Variants in SLC2A4RG observed in about 807,000 individuals in gnomAD.
SLC2A4RG encodes GLUT4 enhancer factor.
SLC2A4RG carries 23 observed loss-of-function variants against 35.5 expected under a neutral mutation model. The observed-to-expected ratio is 0.65, with a 90% confidence interval of 0.47 to 0.92. SLC2A4RG has a LOEUF of 0.92. Ranked by LOEUF, SLC2A4RG falls within the 40% of genes least tolerant of loss-of-function variation. The probability of loss-of-function intolerance (pLI) is 0.00; values close to 1 mark genes in which losing one functional copy is unlikely to be tolerated. For synonymous variants in SLC2A4RG, 306 were observed against 243.7 expected (o/e 1.26, Z -2.38); for missense variants, 539 against 525.0 (o/e 1.03, Z -0.26).
rs145495342 is a variant in SLC2A4RG, at chr20:63,742,197, C to A, written c.647C>A (p.Ala216Glu). The A allele has an allele frequency of 1.5e-4, 241 of 1,599,996 alleles. No individual in the cohort carries two copies. Among genetic ancestry groups the A allele is most frequent in the Middle Eastern group, 6.6e-4 (4 of 6,072 alleles). Residue 216 changes from alanine (A) to glutamate (E), a missense_variant, in exon 5 of 8, where the codon GCG (alanine) becomes GAG (glutamate). By Grantham distance (107) the Ala-to-Glu change is moderately radical (BLOSUM62 -1). Coordinates refer to ENST00000266077, the MANE Select transcript of SLC2A4RG (RefSeq NM_020062.4). ...SCGKVLSTAS[A>E]MQRHIRLVHL... is the part of the protein sequence containing the mutation. ...GGGAAGGTGCTGAGCACGGCGTCGG[C>A]GATGCAGAGACACATCCGCCTGGTG...
chr20:63,741,488 C>G lies in SLC2A4RG; in HGVS notation c.391+9C>G. 6.2e-7 allele frequency: 1 copy of G among 1,609,808 alleles called. No homozygotes were observed. Among genetic ancestry groups the G allele is most frequent in the Non-Finnish European group, 8.5e-7 (1 of 1,177,074 alleles). On this transcript the variant is annotated intron_variant, in intron 3 of 7. Coordinates refer to ENST00000266077, the MANE Select transcript of SLC2A4RG (RefSeq NM_020062.4). ...TGCAGCCTTCAGCCCAGGTAAGACT[C>G]AGATGTCTGCATTTAGGGGTGTGGG...
At chr20:63,740,284 G>A (rs2092035043) in intron 1 of SLC2A4RG, 93 bp from the exon 2 acceptor site, 1 of 906,060 alleles carries the variant, frequency 1.1e-6, no homozygotes, top group African/African-American at 1.7e-5. Flanking sequence ...GCCGGTTTTC[G>A]AGGCGGGCGC....
In SLC2A4RG at chr20:63,741,445, CCTT is replaced by C. The variant is rs2092040944; in HGVS notation, c.360_362del (p.Leu121del). 4 of 1,613,526 alleles carry C rather than the reference CCTT, an allele frequency of 2.5e-6. No homozygotes were observed. The highest frequency in any genetic ancestry group is 1.7e-5 in the Admixed American group (1 of 60,018). ...TTACAAGCCTGTCCACCAGCCCTCT[CCTT>C]CTGGGGGCCCCGGTTGCAGCCTTCA... On this transcript the variant is annotated inframe_deletion, in exon 3 of 8. Transcript: ENST00000266077.
chr20:63,741,898 C>G lies in SLC2A4RG; in HGVS notation c.421C>G (p.Leu141Val). The change falls in exon 4 of 8, where the codon CTG (leucine) becomes GTG (valine). Residue 141 changes from leucine to valine, a missense_variant. Coordinates refer to ENST00000266077, the MANE Select transcript of SLC2A4RG (RefSeq NM_020062.4). Reference protein sequence around the residue: ...EPGLEPWKEALVRPPGSYSSS... With the variant: ...EPGLEPWKEAVVRPPGSYSSS... ...TGGCCTGGAGCCCTGGAAGGAGGCC[C>G]TGGTGCGGCCCCCAGGCAGCTACAG... 6.2e-7 allele frequency: 1 copy of G among 1,608,756 alleles called. No individual in the cohort carries two copies. Among genetic ancestry groups the G allele is most frequent in the Middle Eastern group, 1.7e-4 (1 of 5,808 alleles).
At chr20:63,741,281 A>C in intron 2 of SLC2A4RG, 89 bp from the exon 3 acceptor site, 2 of 1,174,166 alleles carry the variant, frequency 1.7e-6, no homozygotes, top group Admixed American at 1.8e-5. Context: ...CCTGGTGTGC[A>C]CGCGTGCCCA....
rs2092035678 is a variant in SLC2A4RG at position 63,740,368 on chromosome 20, C to T, written c.127-9C>T. On this transcript the variant is annotated splice_polypyrimidine_tract_variant and intron_variant, in intron 1 of 7. Transcript: ENST00000266077. ...GCCTCCGCTGAGTCTGCCCCCTCCC[C>T]ATCCGCAGGGCTCTTCCGTGGGCGG... The T allele has an allele frequency of 8.2e-7, 1 of 1,226,706 alleles. No individual in the cohort carries two copies. Among genetic ancestry groups the T allele is most frequent in the Non-Finnish European group, 1.0e-6 (1 of 983,720 alleles). 76.0% of individuals were successfully genotyped at this position (1,226,706 alleles called of 1,614,324 possible).
chr20:63,741,111 A>C, intron 2 of SLC2A4RG: 1 of 519,308 alleles, frequency 1.9e-6, no homozygotes, highest in Non-Finnish European at 3.5e-6. Flanking sequence ...CAGCCCCAGT[A>C]TCTGAAGGAA....
rs755026057 is a variant in SLC2A4RG at position 63,742,794 on chromosome 20, C to T, written c.1052+4C>T. Reference sequence around the variant, plus strand: ...CCAGGATCGGAGTCACCCTGAGGTGCGTGTGGGCTGAGGGCCTGCGGCTGG... The same window carrying T: ...CCAGGATCGGAGTCACCCTGAGGTGTGTGTGGGCTGAGGGCCTGCGGCTGG... On this transcript the variant is annotated splice_donor_region_variant and intron_variant, in intron 7 of 7. Transcript: ENST00000266077. 39 of 1,578,660 alleles carry T rather than the reference C, an allele frequency of 2.5e-5. No individual in the cohort carries two copies. The Admixed American group carries it at 4.2e-4, about 17-fold the overall frequency.
rs538560946 is a variant in SLC2A4RG at position 63,742,008 on chromosome 20, C to T, written c.531C>T (p.Pro177=). ...SPSTPSPPLP[P]EAAHFLFGEP... is the part of the protein sequence containing the mutation. ...CCACCCCGTCACCCCCACTGCCCCC[C>T]GAGGCAGCCCACTTTCTGTTTGGGG... is the stretch of plus-strand genomic sequence containing the variant. The change falls in exon 4 of 8, where the codon CCC becomes CCT. Residue 177 remains proline (P), a synonymous_variant. Coordinates refer to ENST00000266077, the MANE Select transcript of SLC2A4RG (RefSeq NM_020062.4). 6.8e-6 allele frequency: 11 copies of T among 1,612,804 alleles called. No homozygotes were observed. The highest frequency in any genetic ancestry group is 5.5e-5 in the South Asian group (5 of 91,068).
chr20:63,741,858 T>C lies in SLC2A4RG; in HGVS notation c.392-11T>C, dbSNP rs373221220. 2 of 1,577,916 alleles carry C rather than the reference T, an allele frequency of 1.3e-6. No individual in the cohort carries two copies. The highest frequency in any genetic ancestry group is 1.7e-6 in the Non-Finnish European group (2 of 1,162,944). On this transcript the variant is annotated splice_polypyrimidine_tract_variant and intron_variant, in intron 3 of 7. Transcript: ENST00000266077. ...CCGAAGTTCTAAGGCGGGGGGCCCG[T>C]GTCCCCACAGAGCCTGGCCTGGAGC...
At position 63,742,513 on chromosome 20, in the gene SLC2A4RG, C is replaced by A; in HGVS notation, c.858C>A (p.Ala286=). The part of the protein sequence containing the change: ...LELPELLEPP[A]LPSPLRPPAP... ...TGCCAGAGCTGCTGGAGCCCCCAGC[C>A]CTGCCTAGTCCCCTGCGGCCGCCTG... is the stretch of plus-strand genomic sequence containing the variant. Residue 286 remains alanine, a synonymous_variant, in exon 6 of 8, where the codon GCC becomes GCA. Transcript: ENST00000266077. The A allele has an allele frequency of 6.4e-7, 1 of 1,565,128 alleles. No individual in the cohort carries two copies. The highest frequency in any genetic ancestry group is 8.7e-7 in the Non-Finnish European group (1 of 1,155,394).
chr20:63,740,159 C>A, intron 1 of SLC2A4RG, 121 bp downstream of exon 1: 2 of 453,090 alleles, frequency 4.4e-6, no homozygotes, highest in Non-Finnish European at 5.8e-6. Context: ...CCGCGTCGGT[C>A]CGCGCGTGTC....
rs926132602 is a variant in SLC2A4RG, at chr20:63,741,719, C to CG, written c.392-143dup. 48 of 1,407,896 alleles carry CG rather than the reference C, an allele frequency of 3.4e-5. 1 individual carries two copies. In the African/African-American group the frequency reaches 3.9e-4, roughly 11 times the overall value. The allele number at this position is 1,407,896 out of a possible 1,614,324, so 87.2% of individuals were successfully genotyped here. On this transcript the variant is annotated intron_variant, in intron 3 of 7. Coordinates refer to ENST00000266077, the MANE Select transcript of SLC2A4RG (RefSeq NM_020062.4). Reference sequence around the variant, plus strand: ...CACGTCTGCCAACCCTTTCCTGTGCCGGGGGGGTTTCTCCCCAAGCCCTGG... The same window carrying CG: ...CACGTCTGCCAACCCTTTCCTGTGCCGGGGGGGGTTTCTCCCCAAGCCCTGG...
chr20:63,741,353 G>A lies in SLC2A4RG; in HGVS notation c.282-17G>A, dbSNP rs4809221. On this transcript the variant is annotated splice_polypyrimidine_tract_variant and intron_variant, in intron 2 of 7. Coordinates refer to ENST00000266077, the MANE Select transcript of SLC2A4RG (RefSeq NM_020062.4). ...GCTCTGGCTGGGTCACCCGCACCCC[G>A]CCCCCATCTCCTCCAGAGCCACCCC... 0.68 allele frequency: 1,100,964 copies of A among 1,609,490 alleles called. 379,855 individuals are homozygous for A. The highest frequency in any genetic ancestry group is 0.77 in the South Asian group (69,694 of 90,990).
intron 2 of SLC2A4RG, 76 bp downstream of exon 2, chr20:63,740,607 A>G: frequency 8.3e-7 from 1 of 1,209,762 alleles, no homozygotes; most frequent in Non-Finnish European, 1.0e-6. Context: ...ACCGGCCCCG[A>G]CGGAGGCCAG....
chr20:63,741,733 C>G, intron 3 of SLC2A4RG, 136 bp from the exon 4 acceptor site: 1 of 1,431,590 alleles, frequency 7.0e-7, no homozygotes, highest in East Asian at 2.5e-5. Context: ...GGGGTTTCTC[C>G]CCAAGCCCTG....
chr20:63,740,281 T>G, intron 1 of SLC2A4RG, 96 bp from the exon 2 acceptor site: 2 of 870,512 alleles, frequency 2.3e-6, no homozygotes, highest in Non-Finnish European at 3.0e-6. Flanking sequence ...GCAGCCGGTT[T>G]TCGAGGCGGG....
In SLC2A4RG at chr20:63,742,871, C is replaced by T; in HGVS notation, c.1053-8C>T. 6.2e-7 allele frequency: 1 copy of T among 1,609,432 alleles called. No homozygotes were observed. Among genetic ancestry groups the T allele is most frequent in the Non-Finnish European group, 8.5e-7 (1 of 1,178,348 alleles). On this transcript the variant is annotated splice_polypyrimidine_tract_variant and splice_region_variant and intron_variant, in intron 7 of 7. Transcript: ENST00000266077. ...ACAGCACCCCATGTCCTGTGACCCC[C>T]CGCACAGGAAGCCCCGCGGCGACGC...
chr20:63,741,545 A>T, intron 3 of SLC2A4RG, 66 bp downstream of exon 3: 1 of 1,430,380 alleles, frequency 7.0e-7, no homozygotes, highest in Non-Finnish European at 9.6e-7. Context: ...ACAGCCACCC[A>T]GCCTCTGTGG....
Sources: allele counts gnomAD v4.1 joint callset, GRCh38; gene constraint gnomAD v4.1.1; transcripts MANE v1.5; gene names NCBI Gene and HGNC (gene_info 2026-07-23, HGNC 2026-07-21).